RBFOX1: variants seen among roughly 807,000 people sequenced by gnomAD.
RBFOX1 encodes RNA binding fox-1 homolog 1.
A neutral mutation model predicts 57.7 loss-of-function variants in RBFOX1; 8 were observed. The observed-to-expected ratio is 0.14, with a 90% CI of 0.08 to 0.25. RBFOX1 has a LOEUF of 0.25. RBFOX1 is among the 10% of genes least tolerant of loss of function. The pLI is 1.00. For synonymous variants in RBFOX1, 326 were observed against 222.4 expected (o/e 1.47, Z -4.15); for missense variants, 611 against 548.5 (o/e 1.11, Z -1.14).
chr16:6,373,189 A>C (rs1307601176), intron 2 of RBFOX1, among the ~76,000 whole-genome samples: 1 of 150,516 alleles, frequency 6.6e-6, no homozygotes, highest in Non-Finnish European at 1.5e-5. Flanking sequence ...TGGAGTGGAG[A>C]TTCAGCGGAA....
At chr16:5,784,848 C>T (rs1192027182) in intron 3 of RBFOX1, among the ~76,000 whole-genome samples, 1 of 152,084 alleles carries the variant, frequency 6.6e-6, no homozygotes, top group African/African-American at 2.4e-5. Context: ...TAAGTCCTTC[C>T]CTCACCAGAC....
In RBFOX1 at chr16:6,843,165, G is replaced by C. The variant is rs140194293; in HGVS notation, c.-16+188515G>C. 3.9e-3 allele frequency among the ~76,000 whole-genome samples: 589 copies of C among 152,170 alleles called. 2 individuals carry two copies. The highest frequency in any genetic ancestry group is 0.013 in the African/African-American group (549 of 41,520). On this transcript the variant is annotated intron_variant, in intron 3 of 15. Transcript: ENST00000550418. The stretch of plus-strand genomic sequence containing the variant: ...ACACATTTTAAGCATATGATTCTCT[G>C]AGCAAAGTTTTCTATTAGAGTGGAT...
intron 1 of RBFOX1, among the ~76,000 whole-genome samples, chr16:6,225,535 AG>A (rs2097410106): frequency 6.6e-6 from 1 of 152,164 alleles, no homozygotes; most frequent in Admixed American, 6.5e-5. Context: ...CCTTTCCCCC[AG>A]GGTTTTAAAA....
In RBFOX1 at chr16:5,311,796, A is replaced by G. The variant is rs1246686800; in HGVS notation, c.219+71691A>G. Among the ~76,000 whole-genome samples, 7 of 152,222 alleles carry G rather than the reference A, an allele frequency of 4.6e-5. No individual in the cohort carries two copies. The East Asian group carries it at 1.3e-3, about 29-fold the overall frequency. ...TACACTCTTAGTAGGGAATAATTAC[A>G]GATGCGTTGGCCTCTTGTTGCTGTC... On this transcript the variant is annotated intron_variant, in intron 1 of 2. Transcript: ENST00000585867.
rs1567223497 is a variant in RBFOX1, at chr16:5,553,681, GTA to G, written c.259-45216_259-45215del. Among the ~76,000 whole-genome samples, 498 of 62,470 alleles carry G rather than the reference GTA, an allele frequency of 8.0e-3. 6 individuals carry two copies. Among genetic ancestry groups the G allele is most frequent in the African/African-American group, 0.03 (476 of 15,826 alleles). 41.0% of individuals were successfully genotyped at this position (62,470 alleles called of 152,430 possible). A position where few individuals can be genotyped will look rare whatever the true frequency, so the allele number is the denominator to read the frequency against. ...CAGATAGAATGTTCTATATATGTGTGTATATACACATATATATGTATATATAT... is the reference window on the plus strand; with the variant it reads ...CAGATAGAATGTTCTATATATGTGTGTATACACATATATATGTATATATAT... On this transcript the variant is annotated intron_variant, in intron 2 of 2. Coordinates refer to the RBFOX1 transcript ENST00000585867.
chr16:7,542,929 C>T (rs1273022526), intron 5 of RBFOX1, among the ~76,000 whole-genome samples: 1 of 152,046 alleles, frequency 6.6e-6, no homozygotes, highest in African/African-American at 2.4e-5. Context: ...CACCACCCCA[C>T]ACATACAAAC....
chr16:6,415,054 C>T (rs1347617740), intron 2 of RBFOX1, among the ~76,000 whole-genome samples: 1 of 151,792 alleles, frequency 6.6e-6, no homozygotes, highest in African/African-American at 2.4e-5. Flanking sequence ...ACCAGCCTGG[C>T]CAACATGATG....
In RBFOX1 at chr16:6,986,184, T is replaced by TTTTATTTATTTATTTATTTA. The variant is rs201088154; in HGVS notation, c.-15-65861_-15-65842dup. 1.5e-3 allele frequency among the ~76,000 whole-genome samples: 223 copies of TTTTATTTATTTATTTATTTA among 144,220 alleles called. 1 individual carries two copies. Among genetic ancestry groups the TTTTATTTATTTATTTATTTA allele is most frequent in the African/African-American group, 4.3e-3 (164 of 38,098 alleles). The allele number at this position is 144,220 out of a possible 152,430, so 94.6% of individuals were successfully genotyped here. On this transcript the variant is annotated intron_variant, in intron 3 of 15. Transcript: ENST00000550418. Reference sequence around the variant, plus strand: ...GTCTACCAGAATCACCAATTTCTATTTTTATTTATTTATTTATTTATTTAT... The same window carrying TTTTATTTATTTATTTATTTA: ...GTCTACCAGAATCACCAATTTCTATTTTTATTTATTTATTTATTTATTTATTTATTTATTTATTTATTTAT...
intron 3 of RBFOX1, among the ~76,000 whole-genome samples, chr16:6,722,881 C>G (rs2066309685): frequency 6.6e-6 from 1 of 152,178 alleles, no homozygotes; most frequent in Admixed American, 6.5e-5. Context: ...ACATCTGTGC[C>G]TGGTCTGGCC....
At chr16:6,457,755 G>T (rs533841827) in intron 2 of RBFOX1, among the ~76,000 whole-genome samples, 10 of 152,254 alleles carry the variant, frequency 6.6e-5, no homozygotes, top group African/African-American at 2.4e-4. Flanking sequence ...GTCCTTCATC[G>T]TTTGATCTGC....
intron 3 of RBFOX1, among the ~76,000 whole-genome samples, chr16:6,786,779 G>A (rs1489990524): frequency 6.6e-6 from 1 of 152,134 alleles, no homozygotes; most frequent in Non-Finnish European, 1.5e-5. Context: ...TCCACCCAAT[G>A]GAAGTGGACA....
At chr16:6,669,522 A>G (rs2098751596) in intron 3 of RBFOX1, among the ~76,000 whole-genome samples, 1 of 152,186 alleles carries the variant, frequency 6.6e-6, no homozygotes, top group African/African-American at 2.4e-5. Context: ...AGTAAAAATT[A>G]TATGTTTAAG....
chr16:5,405,598 A>T (rs1319539334), intron 1 of RBFOX1, among the ~76,000 whole-genome samples: 1 of 152,226 alleles, frequency 6.6e-6, no homozygotes, highest in Non-Finnish European at 1.5e-5. Context: ...ACTCCATCAT[A>T]GATGCTAAAA....
chr16:5,710,409 G>A (rs1002488772), intron 3 of RBFOX1, among the ~76,000 whole-genome samples: 1 of 152,162 alleles, frequency 6.6e-6, no homozygotes, highest in Non-Finnish European at 1.5e-5. Context: ...CTGCTTGGTA[G>A]CCTTGCGCAG....
chr16:6,464,952 G>A (rs1164336348), intron 2 of RBFOX1, among the ~76,000 whole-genome samples: 2 of 152,288 alleles, frequency 1.3e-5, no homozygotes, highest in Non-Finnish European at 2.9e-5. Flanking sequence ...TGTTGCCCTC[G>A]GGCAAATCAC....
chr16:6,900,646 C>T (rs899349942), intron 3 of RBFOX1, among the ~76,000 whole-genome samples: 2 of 152,180 alleles, frequency 1.3e-5, no homozygotes, highest in African/African-American at 4.8e-5. Context: ...GGAATTCTAC[C>T]CTTCTTGACC....
intron 4 of RBFOX1, among the ~76,000 whole-genome samples, chr16:7,432,906 T>G (rs116108600): frequency 9.2e-5 from 14 of 152,340 alleles, no homozygotes; most frequent in African/African-American, 3.1e-4. Flanking sequence ...AACAGCCTTA[T>G]GGTGTTGCCC....
At chr16:6,703,566 C>T (rs2062192948) in intron 3 of RBFOX1, among the ~76,000 whole-genome samples, 1 of 151,926 alleles carries the variant, frequency 6.6e-6, no homozygotes, top group Non-Finnish European at 1.5e-5. Flanking sequence ...TAAAAAAAGC[C>T]TGGTGTGGTG....
chr16:6,516,149 C>G (rs1253728846), intron 2 of RBFOX1, among the ~76,000 whole-genome samples: 3 of 152,166 alleles, frequency 2.0e-5, no homozygotes, highest in Admixed American at 1.3e-4. Flanking sequence ...CTGCTTCAGC[C>G]TCCCGAGTAG....
Sources: gnomAD v4.1 joint callset for allele counts (sites outside exome capture counted in the v4.1 genomes callset) on GRCh38, gnomAD v4.1.1 for gene constraint, MANE v1.5 for transcripts, NCBI Gene and HGNC (gene_info 2026-07-23, HGNC 2026-07-21) for gene names.